CGGBP1: variants seen among roughly 807,000 people sequenced by gnomAD.
CGGBP1 encodes the protein CGG triplet repeat-binding protein 1.
Under a neutral mutation model 11.4 loss-of-function variants are expected in CGGBP1, and 4 were observed. That is an observed-to-expected ratio of 0.35 (90% CI 0.17 to 0.80). The LOEUF is 0.80. CGGBP1 is among the 30% of genes least tolerant of loss of function. CGGBP1 has a pLI of 0.52. For synonymous variants in CGGBP1, 76 were observed against 74.1 expected, an observed-to-expected ratio of 1.03 and a Z score of -0.13; for missense variants, 135 against 202.1, an observed-to-expected ratio of 0.67 and a Z score of 2.01.
At chr3:88,108,529 A>G (rs1465883674) in intron 2 of CGGBP1, among the ~76,000 whole-genome samples, 2 of 152,178 alleles carry the variant, frequency 1.3e-5, no homozygotes, top group African/African-American at 2.4e-5. Flanking sequence ...GAAATAATAC[A>G]TTTTAAAATT....
At chr3:88,059,355 C>T (rs1706700620), upstream of CGGBP1, 2 of 1,535,016 alleles carry the variant, frequency 1.3e-6, no homozygotes, top group Non-Finnish European at 8.7e-7. Context: ...AGGCCGAACG[C>T]CTCGGAGAAG....
chr3:88,103,168 T>C (rs1559712131), intron 2 of CGGBP1, among the ~76,000 whole-genome samples: 3 of 151,766 alleles, frequency 2.0e-5, no homozygotes, highest in Admixed American at 2.0e-4. Context: ...ACAGACACAT[T>C]TTTTTTTAAA....
chr3:88,149,858 C>T, exon 1 of CGGBP1: 1 of 628,614 alleles, frequency 1.6e-6, no homozygotes, highest in African/African-American at 1.8e-5. Flanking sequence ...GTCCCCAGCC[C>T]GGAACCACAA....
chr3:88,083,749 G>C (rs1304989464), intron 2 of CGGBP1, among the ~76,000 whole-genome samples: 4 of 152,184 alleles, frequency 2.6e-5, no homozygotes, highest in African/African-American at 9.6e-5. Flanking sequence ...TGTTTTAGCA[G>C]CTTCAGCGTT....
intron 2 of CGGBP1, among the ~76,000 whole-genome samples, chr3:88,094,389 T>A (rs878903823): frequency 3.3e-5 from 5 of 152,118 alleles, no homozygotes; most frequent in African/African-American, 4.8e-5. Flanking sequence ...TATAGTTGTT[T>A]TATGAGCAAA....
chr3:88,138,794 A>G, intron 2 of CGGBP1: 1 of 1,232,056 alleles, frequency 8.1e-7, no homozygotes, highest in East Asian at 3.2e-5. Flanking sequence ...CTAAATGTCT[A>G]ATTTATAAAA....
chr3:88,080,267 A>G (rs1052166493), intron 2 of CGGBP1, among the ~76,000 whole-genome samples: 2 of 152,134 alleles, frequency 1.3e-5, no homozygotes, highest in African/African-American at 4.8e-5. Context: ...GTAATTAATC[A>G]TACTTGGAAA....
chr3:88,095,841 G>T, intron 2 of CGGBP1: 1 of 458,734 alleles, frequency 2.2e-6, no homozygotes, highest in South Asian at 1.7e-5. Context: ...GTGCTCCTCA[G>T]AAAAGCCTTT....
intron 2 of CGGBP1, among the ~76,000 whole-genome samples, chr3:88,089,984 C>G (rs76330474): frequency 6.6e-6 from 1 of 152,156 alleles, no homozygotes; most frequent in Non-Finnish European, 1.5e-5. Context: ...ATTATTCATG[C>G]TTGTGGTGAT....
At chr3:88,082,004 A>G (rs1003262387) in intron 2 of CGGBP1, among the ~76,000 whole-genome samples, 15 of 152,226 alleles carry the variant, frequency 9.9e-5, no homozygotes, top group African/African-American at 3.4e-4. Flanking sequence ...AAAATTAGCA[A>G]ACTTATCAAT....
At chr3:88,064,671 C>G (rs1192787129) in intron 2 of CGGBP1, among the ~76,000 whole-genome samples, 1 of 152,132 alleles carries the variant, frequency 6.6e-6, no homozygotes, top group African/African-American at 2.4e-5. Context: ...CAGTTACCAC[C>G]CATCCATCTA....
intron 2 of CGGBP1, among the ~76,000 whole-genome samples, chr3:88,122,228 A>T (rs1459790686): frequency 6.6e-6 from 1 of 152,214 alleles, no homozygotes; most frequent in African/African-American, 2.4e-5. Flanking sequence ...TGGCATAGGT[A>T]AGAAAAGACA....
intron 2 of CGGBP1, among the ~76,000 whole-genome samples, chr3:88,098,950 C>T (rs1704232104): frequency 1.3e-5 from 2 of 152,148 alleles, no homozygotes; most frequent in Admixed American, 1.3e-4. Context: ...TCTGTCACTA[C>T]TTCTATTCAT....
chr3:88,059,248 G>A (rs1265645762), upstream of CGGBP1: 32 of 1,527,366 alleles, frequency 2.1e-5, no homozygotes, highest in East Asian at 7.1e-4. Flanking sequence ...GAGAGGAGGA[G>A]GAGGTTAGCC....
chr3:88,130,243 C>G (rs992250925), intron 2 of CGGBP1, among the ~76,000 whole-genome samples: 2 of 152,096 alleles, frequency 1.3e-5, no homozygotes, highest in African/African-American at 4.8e-5. Context: ...TCCTCAGCTC[C>G]AGTACACCCA....
intron 2 of CGGBP1, chr3:88,126,276 C>G (rs1257432935): frequency 6.1e-6 from 9 of 1,475,412 alleles, no homozygotes; most frequent in Non-Finnish European, 8.1e-6. Flanking sequence ...ATAGGTACTT[C>G]AGGAGATTCA....
chr3:88,145,854 T>C (rs539629216), intron 1 of CGGBP1, among the ~76,000 whole-genome samples: 2 of 152,220 alleles, frequency 1.3e-5, no homozygotes, highest in Non-Finnish European at 2.9e-5. Context: ...CACTGCTCTT[T>C]AGACACCAAA....
Position 88,138,787 on chromosome 3 carries a change from A to T in CGGBP1, c.-229+2183T>A, listed in dbSNP as rs772722908. The T allele has an allele frequency of 1.9e-5, 24 of 1,231,936 alleles. No individual in the cohort carries two copies. In the Middle Eastern group the frequency reaches 9.3e-4, roughly 48 times the overall value. The allele number at this position is 1,231,936 out of a possible 1,614,324, so 76.3% of individuals were successfully genotyped here. A position where few individuals can be genotyped will look rare whatever the true frequency, so the allele number is the denominator to read the frequency against. On this transcript the variant is annotated intron_variant, in intron 2 of 3. Coordinates refer to the CGGBP1 transcript ENST00000462901. Reference sequence around the variant, plus strand: ...GACCTTCATGATGATCCCAAAACTAAATGTCTAATTTATAAAACAATTGCA... The same window carrying T: ...GACCTTCATGATGATCCCAAAACTATATGTCTAATTTATAAAACAATTGCA...
chr3:88,105,016 T>C (rs1295116664), intron 2 of CGGBP1, among the ~76,000 whole-genome samples: 1 of 152,234 alleles, frequency 6.6e-6, no homozygotes. Flanking sequence ...GGCGCGCGCC[T>C]GTAATCCCAG....
Sources: allele counts gnomAD v4.1 joint callset (sites outside exome capture counted in the v4.1 genomes callset), GRCh38; gene constraint gnomAD v4.1.1; transcripts MANE v1.5; gene names NCBI Gene and HGNC (gene_info 2026-07-23, HGNC 2026-07-21).